The following EXOC5 variants were observed in gnomAD, a reference collection of about 807,000 sequenced individuals.
EXOC5 encodes exocyst complex component 5.
EXOC5 carries 17 observed loss-of-function variants against 90.8 expected under a neutral mutation model. The observed-to-expected ratio is 0.19, with a 90% confidence interval of 0.13 to 0.28. EXOC5 has a LOEUF of 0.28. Ranked by LOEUF, EXOC5 falls within the 10% of genes least tolerant of loss-of-function variation. EXOC5 has a pLI of 1.00. For synonymous variants in EXOC5, 260 were observed against 270.0 expected (o/e 0.96, Z 0.36); for missense variants, 569 against 830.6 (o/e 0.69, Z 3.87).
At chr14:57,237,157 C>A (rs1883688405) in intron 6 of EXOC5, among the ~76,000 whole-genome samples, 181 bp downstream of exon 6, 1 of 151,682 alleles carries the variant, frequency 6.6e-6, no homozygotes, top group African/African-American at 2.4e-5. Context: ...CAAGAATATC[C>A]AAAAAAACTG....
chr14:57,218,082 A>T lies in EXOC5; in HGVS notation c.1527-14T>A. The T allele has an allele frequency of 7.9e-7, 1 of 1,261,888 alleles. No homozygotes were observed. The highest frequency in any genetic ancestry group is 1.3e-5 in the South Asian group (1 of 79,000). 78.2% of individuals were successfully genotyped at this position (1,261,888 alleles called of 1,614,324 possible). Reference sequence around the variant, plus strand: ...TTAGGAGAAGAGCTATTGTATATTTAAAATGGAAAAAGAATCATATTAATA... The same window carrying T: ...TTAGGAGAAGAGCTATTGTATATTTTAAATGGAAAAAGAATCATATTAATA... On this transcript the variant is annotated splice_polypyrimidine_tract_variant and intron_variant, in intron 14 of 17. Transcript: ENST00000621441.
intron 12 of EXOC5, among the ~76,000 whole-genome samples, chr14:57,227,460 T>G (rs564113085): frequency 1.3e-5 from 2 of 152,290 alleles, no homozygotes; most frequent in East Asian, 3.9e-4. Flanking sequence ...TTTTAATTTT[T>G]CACCATGAAA....
intron 7 of EXOC5, among the ~76,000 whole-genome samples, chr14:57,234,624 G>A (rs905834019): frequency 6.7e-6 from 1 of 148,942 alleles, no homozygotes; most frequent in East Asian, 2.0e-4. Context: ...GGAATGCAAT[G>A]GTGTCATCTT....
In EXOC5 at chr14:57,250,513, T is replaced by C. The variant is rs112091252; in HGVS notation, c.28-2801A>G. Among the ~76,000 whole-genome samples, 76 of 152,322 alleles carry C rather than the reference T, an allele frequency of 5.0e-4. 1 individual carries two copies. The highest frequency in any genetic ancestry group is 1.8e-3 in the African/African-American group (74 of 41,578). On this transcript the variant is annotated intron_variant, in intron 1 of 17. Coordinates refer to ENST00000621441, the MANE Select transcript of EXOC5 (RefSeq NM_006544.4). Reference sequence around the variant, plus strand: ...AAAAATATGCAAATATTTTGAAGTCTATTGGATATACGGTGCTAGTTGGCA... The same window carrying C: ...AAAAATATGCAAATATTTTGAAGTCCATTGGATATACGGTGCTAGTTGGCA...
intron 3 of EXOC5, among the ~76,000 whole-genome samples, chr14:57,246,232 T>C (rs77846993): frequency 0.012 from 1,878 of 152,272 alleles, 21 homozygotes; most frequent in Non-Finnish European, 0.021. Flanking sequence ...ACAGTTACAC[T>C]AGAATTCTCA....
At position 57,268,742 on chromosome 14, in the gene EXOC5, C is replaced by A. The variant is rs1399442109; in HGVS notation, c.-94G>T. The A allele has an allele frequency of 6.7e-7, 1 of 1,489,024 alleles. No homozygotes were observed. 92.2% of individuals were successfully genotyped at this position (1,489,024 alleles called of 1,614,324 possible). ...GCGGCGCACAGGTCTCCGCTCGGCTCGCCAGCTCCGGCTCCGGGCCGCTGC... is the reference window on the plus strand; with the variant it reads ...GCGGCGCACAGGTCTCCGCTCGGCTAGCCAGCTCCGGCTCCGGGCCGCTGC... On this transcript the variant is annotated 5_prime_UTR_variant, in exon 1 of 18. Transcript: ENST00000621441.
chr14:57,215,396 C>T (rs2139613430), intron 15 of EXOC5, among the ~76,000 whole-genome samples: 1 of 145,494 alleles, frequency 6.9e-6, no homozygotes, highest in South Asian at 2.1e-4. Context: ...GCCAATATCC[C>T]TGATGAATAA....
intron 12 of EXOC5, among the ~76,000 whole-genome samples, chr14:57,227,399 T>C (rs1883340773): frequency 6.6e-6 from 1 of 152,212 alleles, no homozygotes; most frequent in Non-Finnish European, 1.5e-5. Context: ...TTCTACTGTA[T>C]GAAAAACACC....
At chr14:57,221,600 T>C (rs1354938177) in intron 13 of EXOC5, among the ~76,000 whole-genome samples, 1 of 152,204 alleles carries the variant, frequency 6.6e-6, no homozygotes, top group Admixed American at 6.5e-5. Flanking sequence ...GGATTGGCTA[T>C]CAGGATTGAT....
At chr14:57,244,421 C>T in intron 3 of EXOC5, 62 bp from the exon 4 acceptor site, 1 of 1,126,158 alleles carries the variant, frequency 8.9e-7, no homozygotes, top group Non-Finnish European at 1.3e-6. Flanking sequence ...ATCTAAACTA[C>T]TACTCTTATT....
intron 1 of EXOC5, among the ~76,000 whole-genome samples, chr14:57,254,360 G>C (rs908956930): frequency 6.6e-6 from 1 of 151,828 alleles, no homozygotes; most frequent in Admixed American, 6.6e-5. Context: ...ACTTGAACTC[G>C]TGAGGCAGAG....
intron 1 of EXOC5, among the ~76,000 whole-genome samples, chr14:57,255,594 A>T (rs753159963): frequency 1.3e-5 from 2 of 152,126 alleles, no homozygotes; most frequent in Non-Finnish European, 2.9e-5. Context: ...TGATGCACTG[A>T]TCGGGTGTGG....
At chr14:57,212,769 G>A (rs1345744275) in intron 15 of EXOC5, among the ~76,000 whole-genome samples, 2 of 152,038 alleles carry the variant, frequency 1.3e-5, no homozygotes, top group South Asian at 2.1e-4. Context: ...TTTGGCAAAC[G>A]GCCCATTGAA....
chr14:57,240,738 C>T (rs891487787), intron 4 of EXOC5, among the ~76,000 whole-genome samples: 6 of 152,202 alleles, frequency 3.9e-5, no homozygotes, highest in Non-Finnish European at 8.8e-5. Context: ...CTCAGTTTTA[C>T]TTTGGCACAA....
chr14:57,246,446 A>G (rs189630743), intron 3 of EXOC5, among the ~76,000 whole-genome samples: 199 of 152,332 alleles, frequency 1.3e-3, no homozygotes, highest in African/African-American at 4.6e-3. Flanking sequence ...TCGCATTGTT[A>G]GAGGAGAATC....
intron 2 of EXOC5, among the ~76,000 whole-genome samples, chr14:57,247,387 T>A (rs945466335): frequency 6.6e-6 from 1 of 152,166 alleles, no homozygotes; most frequent in Non-Finnish European, 1.5e-5. Context: ...AAATGTCAAA[T>A]TCTTATACTC....
At chr14:57,229,692 G>A (rs1413127377) in intron 12 of EXOC5, 42 bp downstream of exon 12, 1 of 1,361,078 alleles carries the variant, frequency 7.3e-7, no homozygotes, top group South Asian at 1.9e-5. Context: ...CAGATATCAA[G>A]GAACAACTGT....
intron 2 of EXOC5, 112 bp downstream of exon 2, chr14:57,247,506 T>C: frequency 8.3e-6 from 4 of 480,490 alleles, no homozygotes; most frequent in South Asian, 5.3e-5. Context: ...TGGCCAAATG[T>C]TAACTAAAAT....
At chr14:57,265,899 T>C (rs866885765) in intron 1 of EXOC5, among the ~76,000 whole-genome samples, 1 of 152,228 alleles carries the variant, frequency 6.6e-6, no homozygotes, top group Non-Finnish European at 1.5e-5. Flanking sequence ...TAAGAAGGTA[T>C]TCTGAGAAAC....
Sources: gnomAD v4.1 joint callset for allele counts (sites outside exome capture counted in the v4.1 genomes callset) on GRCh38, gnomAD v4.1.1 for gene constraint, MANE v1.5 for transcripts, NCBI Gene and HGNC (gene_info 2026-07-23, HGNC 2026-07-21) for gene names.